Variants in SP100 observed in about 807,000 individuals in gnomAD.
The protein encoded by SP100 is SP100 nuclear body protein.
In SP100, 84 loss-of-function variants were observed where a neutral mutation model predicts 130.0. That is an observed-to-expected ratio of 0.65 (90% CI 0.54 to 0.77). The LOEUF (loss-of-function observed/expected upper bound fraction) is 0.77. Ranked by LOEUF, SP100 falls within the 30% of genes least tolerant of loss-of-function variation. The pLI, the probability that SP100 is intolerant of heterozygous loss-of-function variation, is 0.00. For synonymous variants in SP100, 331 were observed against 351.7 expected, an observed-to-expected ratio of 0.94 and a Z score of 0.66; for missense variants, 978 against 1,052.2, an observed-to-expected ratio of 0.93 and a Z score of 0.97.
intron 17 of SP100, among the ~76,000 whole-genome samples, chr2:230,489,925 A>G (rs2066308454): frequency 6.6e-6 from 1 of 152,130 alleles, no homozygotes; most frequent in Non-Finnish European, 1.5e-5. Context: ...GGAGTATTTT[A>G]CTTCCAATTA....
chr2:230,447,482 T>C (rs1395544631), intron 5 of SP100, among the ~76,000 whole-genome samples: 1 of 152,210 alleles, frequency 6.6e-6, no homozygotes, highest in Non-Finnish European at 1.5e-5. Context: ...CAGATGCCAG[T>C]TGCAAGTCTC....
rs1692276245 is a variant in SP100, at chr2:230,545,357, T to C, written c.*2411T>C. Among the ~76,000 whole-genome samples, 1 of 152,124 alleles carries C rather than the reference T, an allele frequency of 6.6e-6. No homozygotes were observed. Among genetic ancestry groups the C allele is most frequent in the African/African-American group, 2.4e-5 (1 of 41,426 alleles). On this transcript the variant is annotated 3_prime_UTR_variant, in exon 29 of 29. Coordinates refer to ENST00000340126, the MANE Select transcript of SP100 (RefSeq NM_001080391.2). The stretch of plus-strand genomic sequence containing the variant: ...AAAACCAAATACCACAGGTTCTCAG[T>C]TGTGAGTGGGAGCTAAATGATGAGA...
chr2:230,515,699 C>T lies in SP100; in HGVS notation c.2094+4533C>T. ...AAGCATTTAAGCTGCCTGTACACAA[C>T]TCACTCCTTTTAAAGAAAAAAACTT... On this transcript the variant is annotated intron_variant, in intron 24 of 28. Coordinates refer to ENST00000340126, the MANE Select transcript of SP100 (RefSeq NM_001080391.2). The T allele has an allele frequency of 1.9e-6, 3 of 1,539,470 alleles. No homozygotes were observed. In the East Asian group the frequency reaches 6.7e-5, roughly 34 times the overall value.
intron 24 of SP100, chr2:230,515,078 T>C (rs1306481351): frequency 6.2e-7 from 1 of 1,611,150 alleles, no homozygotes; most frequent in East Asian, 2.2e-5. Flanking sequence ...TATGCATTTT[T>C]TGTGCAAACT....
chr2:230,513,136 G>T (rs918478173), intron 24 of SP100, among the ~76,000 whole-genome samples: 2 of 152,208 alleles, frequency 1.3e-5, no homozygotes, highest in African/African-American at 4.8e-5. Flanking sequence ...CCTTATCCCG[G>T]AAGTTGGAAA....
chr2:230,488,892 GTTT>G (rs2066256795), intron 17 of SP100, among the ~76,000 whole-genome samples: 1 of 151,736 alleles, frequency 6.6e-6, no homozygotes, highest in African/African-American at 2.4e-5. Context: ...TGATGGATAT[GTTT>G]TTTAATGTAC....
chr2:230,474,179 C>T (rs1575688979), intron 16 of SP100, among the ~76,000 whole-genome samples: 1 of 152,110 alleles, frequency 6.6e-6, no homozygotes, highest in African/African-American at 2.4e-5. Context: ...GAAATTGGTG[C>T]ATAAAAGTAA....
intron 19 of SP100, among the ~76,000 whole-genome samples, chr2:230,498,779 G>T (rs1450116604): frequency 2.0e-5 from 3 of 152,166 alleles, no homozygotes. Context: ...CCTCTCCTGA[G>T]CTGATAACTT....
At position 230,416,224 on chromosome 2, in the gene SP100, T is replaced by G. The variant is rs1271456390; in HGVS notation, c.-73T>G. ...CTGCTTGGGGCCTGGGCAGCCACAC[T>G]GCACGCAGGCTGGGCCGACTGAGGG... On this transcript the variant is annotated 5_prime_UTR_variant, in exon 1 of 29. Coordinates refer to ENST00000340126, the MANE Select transcript of SP100 (RefSeq NM_001080391.2). The G allele has an allele frequency of 1.5e-6, 2 of 1,303,624 alleles. No individual in the cohort carries two copies. Among genetic ancestry groups the G allele is most frequent in the African/African-American group, 2.9e-5 (2 of 68,744 alleles). 80.8% of individuals were successfully genotyped at this position (1,303,624 alleles called of 1,614,324 possible). A position where few individuals can be genotyped will look rare whatever the true frequency, so the allele number is the denominator to read the frequency against.
chr2:230,447,890 C>T (rs1272798563), intron 5 of SP100, among the ~76,000 whole-genome samples: 3 of 152,210 alleles, frequency 2.0e-5, no homozygotes, highest in Admixed American at 2.0e-4. Context: ...AGTTCCACCC[C>T]TCTAATCTCA....
At chr2:230,520,110 A>C (rs1691102179) in intron 24 of SP100, among the ~76,000 whole-genome samples, 1 of 152,224 alleles carries the variant, frequency 6.6e-6, no homozygotes, top group African/African-American at 2.4e-5. Flanking sequence ...CTGATTCCAG[A>C]GTCACCTCCA....
chr2:230,444,340 G>A lies in SP100; in HGVS notation c.433G>A (p.Glu145Lys). Residue 145 changes from glutamate to lysine, a missense_variant, in exon 4 of 29, where the codon GAA (glutamate) becomes AAA (lysine). Glu to Lys is a moderately conservative substitution (Grantham distance 56, BLOSUM62 1). Coordinates refer to ENST00000340126, the MANE Select transcript of SP100 (RefSeq NM_001080391.2). ...PDLIHIYKGFENVIHDKLPLQ... is the reference protein window; with the variant it reads ...PDLIHIYKGFKNVIHDKLPLQ... ...TTTAATTCACATTTATAAAGGCTTT[G>A]AAAATGGTAATTAGATTTATTATCT... is the stretch of plus-strand genomic sequence containing the variant. 6.2e-7 allele frequency: 1 copy of A among 1,610,350 alleles called. No individual in the cohort carries two copies. Among genetic ancestry groups the A allele is most frequent in the Non-Finnish European group, 8.5e-7 (1 of 1,178,576 alleles).
At chr2:230,510,656 T>C (rs113005902) in intron 23 of SP100, 6,254 of 157,414 alleles carry the variant, frequency 0.04, 444 homozygotes, top group African/African-American at 0.18. Context: ...GCCACCACAC[T>C]CAGCTAATTT....
In SP100 at chr2:230,510,728, C is replaced by T. The variant is rs541928171; in HGVS notation, c.2053-397C>T. ...GCCAGGATGGACTTGATCTCTTGAC[C>T]TTGTGATCTGCCCTCCTCGGCCTCC... On this transcript the variant is annotated intron_variant, in intron 23 of 28. Transcript: ENST00000340126. 46 of 235,024 alleles carry T rather than the reference C, an allele frequency of 2.0e-4. 1 individual carries two copies. Among genetic ancestry groups the T allele is most frequent in the African/African-American group, 9.6e-4 (41 of 42,556 alleles). 14.6% of individuals were successfully genotyped at this position (235,024 alleles called of 1,614,324 possible).
At chr2:230,419,735 G>A (rs1247681868) in intron 2 of SP100, among the ~76,000 whole-genome samples, 1 of 152,124 alleles carries the variant, frequency 6.6e-6, no homozygotes, top group Non-Finnish European at 1.5e-5. Context: ...CCTAATTTAT[G>A]TACAGATTGG....
intron 24 of SP100, among the ~76,000 whole-genome samples, chr2:230,519,225 T>C (rs1483148487): frequency 6.6e-6 from 1 of 152,140 alleles, no homozygotes; most frequent in Non-Finnish European, 1.5e-5. Context: ...TTGTCTGATA[T>C]TGGATAAAGA....
intron 23 of SP100, chr2:230,509,732 A>G (rs1462458794): frequency 6.6e-6 from 1 of 152,174 alleles, no homozygotes; most frequent in Non-Finnish European, 1.5e-5. Context: ...TCCTGCTTAT[A>G]AGTTTTTTGT....
At chr2:230,498,657 T>A in intron 19 of SP100, 122 bp downstream of exon 19, 1 of 478,908 alleles carries the variant, frequency 2.1e-6, no homozygotes, top group Non-Finnish European at 3.5e-6. Flanking sequence ...ATATCAGATG[T>A]AGTCAAGTTC....
chr2:230,534,941 A>C lies in SP100; in HGVS notation c.2095-4326A>C, dbSNP rs543390782. Among the ~76,000 whole-genome samples the C allele has an allele frequency of 4.6e-5, 7 of 152,348 alleles. No individual in the cohort carries two copies. The South Asian group carries it at 1.4e-3, about 32-fold the overall frequency. On this transcript the variant is annotated intron_variant, in intron 24 of 28. Transcript: ENST00000340126. The stretch of plus-strand genomic sequence containing the variant: ...GCCGGGCATGGTGGCTCACGCCTGT[A>C]ATCCCAGCACTTTGGGAGGCCAAGA...
Sources: gnomAD v4.1 joint callset for allele counts (sites outside exome capture counted in the v4.1 genomes callset) on GRCh38, gnomAD v4.1.1 for gene constraint, MANE v1.5 for transcripts, NCBI Gene and HGNC (gene_info 2026-07-23, HGNC 2026-07-21) for gene names.